Variants in SPATA6 observed in about 807,000 individuals in gnomAD.
SPATA6 encodes spermatogenesis-associated protein 6.
In SPATA6, 56 loss-of-function variants were observed where a neutral mutation model predicts 65.3. The observed-to-expected ratio is 0.86, with a 90% CI of 0.69 to 1.07. The LOEUF (loss-of-function observed/expected upper bound fraction) is 1.07. Among genes scored for constraint, SPATA6 ranks in the 50% least tolerant of loss-of-function variants. The pLI, the probability that SPATA6 is intolerant of heterozygous loss-of-function variation, is 0.00. For synonymous variants in SPATA6, 199 were observed against 213.2 expected (o/e 0.93, Z 0.58); for missense variants, 590 against 594.8 (o/e 0.99, Z 0.08).
chr1:48,423,061 G>A (rs549888046), intron 3 of SPATA6, among the ~76,000 whole-genome samples: 7 of 151,930 alleles, frequency 4.6e-5, no homozygotes, highest in Non-Finnish European at 1.0e-4. Flanking sequence ...ACAGACACTA[G>A]GTTTAGTTAA....
At chr1:48,408,105 T>C (rs1651874729) in intron 5 of SPATA6, among the ~76,000 whole-genome samples, 1 of 152,252 alleles carries the variant, frequency 6.6e-6, no homozygotes, top group Non-Finnish European at 1.5e-5. Flanking sequence ...TCAACTTTTA[T>C]ACTTTCATAA....
chr1:48,409,226 G>A (rs1314844702), intron 5 of SPATA6, among the ~76,000 whole-genome samples: 1 of 152,208 alleles, frequency 6.6e-6, no homozygotes, highest in African/African-American at 2.4e-5. Context: ...AGGGGCTACA[G>A]GCCCCATGCA....
intron 10 of SPATA6, 114 bp downstream of exon 10, chr1:48,359,472 T>C: frequency 8.0e-7 from 1 of 1,242,948 alleles, no homozygotes. Context: ...TTTAAGCCTT[T>C]TAAAATCAAA....
the SPATA6 span, among the ~76,000 whole-genome samples, chr1:48,276,244 TG>T: frequency 2.6e-5 from 4 of 152,222 alleles, no homozygotes; most frequent in Non-Finnish European, 4.4e-5. Context: ...TATATTAGTC[TG>T]GCCAGCCTTC....
At chr1:48,311,097 C>T (rs1249306972) in intron 11 of SPATA6, among the ~76,000 whole-genome samples, 1 of 151,976 alleles carries the variant, frequency 6.6e-6, no homozygotes. Flanking sequence ...AGGAACATGG[C>T]TATAAACACC....
chr1:48,385,625 TTG>T (rs1649384447), intron 8 of SPATA6, among the ~76,000 whole-genome samples: 1 of 152,148 alleles, frequency 6.6e-6, no homozygotes, highest in African/African-American at 2.4e-5. Context: ...ATAAACCAAT[TTG>T]TGTCTATGAA....
At chr1:48,285,494 A>C in the SPATA6 span, among the ~76,000 whole-genome samples, 1 of 151,650 alleles carries the variant, frequency 6.6e-6, no homozygotes, top group Non-Finnish European at 1.5e-5. Flanking sequence ...AAAAAAAAAA[A>C]AAACTCCTGC....
At chr1:48,376,904 G>C (rs1647983553) in intron 9 of SPATA6, among the ~76,000 whole-genome samples, 1 of 152,062 alleles carries the variant, frequency 6.6e-6, no homozygotes, top group Admixed American at 6.6e-5. Flanking sequence ...CCTAAACATA[G>C]AAAAAGTACA....
chr1:48,292,132 T>G (rs1003691834), downstream of SPATA6, among the ~76,000 whole-genome samples: 1 of 152,244 alleles, frequency 6.6e-6, no homozygotes, highest in Admixed American at 6.5e-5. Flanking sequence ...TTTTCATGCT[T>G]CTTTTATCCT....
the SPATA6 span, among the ~76,000 whole-genome samples, chr1:48,287,233 A>T: frequency 1.3e-5 from 2 of 152,042 alleles, no homozygotes; most frequent in African/African-American, 4.8e-5. Flanking sequence ...TTTTTAAATG[A>T]CTGGATCTCA....
the SPATA6 span, among the ~76,000 whole-genome samples, chr1:48,282,626 C>T: frequency 9.9e-5 from 15 of 152,224 alleles, no homozygotes; most frequent in Admixed American, 6.5e-4. Flanking sequence ...AAATCAAAAC[C>T]ACAGTGAGAT....
chr1:48,266,477 G>A, the SPATA6 span, among the ~76,000 whole-genome samples: 4 of 152,092 alleles, frequency 2.6e-5, no homozygotes, highest in Non-Finnish European at 2.9e-5. Flanking sequence ...ATTCACAAAC[G>A]TGTCATGGAA....
At chr1:48,441,379 G>A (rs544563083) in intron 3 of SPATA6, among the ~76,000 whole-genome samples, 1 of 152,344 alleles carries the variant, frequency 6.6e-6, no homozygotes, top group East Asian at 1.9e-4. Context: ...CTGTAATCAG[G>A]TATTTCTCCC....
the SPATA6 span, among the ~76,000 whole-genome samples, chr1:48,278,040 G>A: frequency 6.6e-6 from 1 of 152,118 alleles, no homozygotes; most frequent in Non-Finnish European, 1.5e-5. Flanking sequence ...CCACTGTTAT[G>A]CACCCATCAC....
At chr1:48,401,170 C>A (rs1651125452) in intron 6 of SPATA6, among the ~76,000 whole-genome samples, 2 of 152,038 alleles carry the variant, frequency 1.3e-5, no homozygotes, top group African/African-American at 4.8e-5. Flanking sequence ...CCCTTCTCAT[C>A]TCCTCAGTCC....
At chr1:48,364,605 G>C (rs976091776) in intron 9 of SPATA6, among the ~76,000 whole-genome samples, 1 of 152,148 alleles carries the variant, frequency 6.6e-6, no homozygotes, top group Non-Finnish European at 1.5e-5. Context: ...GTCTTCTTTT[G>C]AGACATGTCT....
chr1:48,429,447 AAGAC>A (rs1654198336), intron 3 of SPATA6, among the ~76,000 whole-genome samples: 1 of 152,186 alleles, frequency 6.6e-6, no homozygotes, highest in South Asian at 2.1e-4. Flanking sequence ...CTTCAACACA[AAGAC>A]AGCCCATAAC....
chr1:48,270,962 C>G, the SPATA6 span, among the ~76,000 whole-genome samples: 1 of 152,064 alleles, frequency 6.6e-6, no homozygotes, highest in Non-Finnish European at 1.5e-5. Context: ...ACCATAGTTT[C>G]TAGATTAAGT....
In SPATA6 at chr1:48,472,014, C is replaced by G; in HGVS notation, c.-6G>C. Reference sequence around the variant, plus strand: ...AGCGCCTTCACCTTCGGCATCCGTGCGGGGAGGGGCGGCGGGGAGTGACCC... The same window carrying G: ...AGCGCCTTCACCTTCGGCATCCGTGGGGGGAGGGGCGGCGGGGAGTGACCC... On this transcript the variant is annotated 5_prime_UTR_variant, in exon 1 of 13. Transcript: ENST00000371847. The G allele has an allele frequency of 7.4e-7, 1 of 1,350,740 alleles. No homozygotes were observed. Among genetic ancestry groups the G allele is most frequent in the Non-Finnish European group, 9.7e-7 (1 of 1,029,408 alleles). The allele number at this position is 1,350,740 out of a possible 1,614,324, so 83.7% of individuals were successfully genotyped here.
Sources: gnomAD v4.1 joint callset for allele counts (sites outside exome capture counted in the v4.1 genomes callset) on GRCh38, gnomAD v4.1.1 for gene constraint, MANE v1.5 for transcripts, NCBI Gene and HGNC (gene_info 2026-07-23, HGNC 2026-07-21) for gene names.